Variants in SEC11C observed in about 807,000 individuals in gnomAD.
The protein encoded by SEC11C is SEC11 homolog C, signal peptidase complex subunit, also known as signal peptidase complex catalytic subunit SEC11C.
SEC11C carries 10 observed loss-of-function variants against 21.9 expected under a neutral mutation model. That is an observed-to-expected ratio of 0.46 (90% CI 0.28 to 0.77). The LOEUF (loss-of-function observed/expected upper bound fraction) is 0.77, where lower values mean the gene tolerates loss of function less well. SEC11C is among the 30% of genes least tolerant of loss of function. SEC11C has a pLI of 0.12. For synonymous variants in SEC11C, 83 were observed against 85.6 expected, an observed-to-expected ratio of 0.97 and a Z score of 0.17; for missense variants, 145 against 244.5, an observed-to-expected ratio of 0.59 and a Z score of 2.71.
intron 4 of SEC11C, 23 bp downstream of exon 4, chr18:59,155,830 T>C (rs1412351686): frequency 6.2e-7 from 1 of 1,608,992 alleles, no homozygotes; most frequent in Non-Finnish European, 8.5e-7. Flanking sequence ...CTTTAAGTTA[T>C]ATAGAAGGTT....
intron 3 of SEC11C, among the ~76,000 whole-genome samples, chr18:59,154,612 A>T (rs1031088957): frequency 1.3e-5 from 2 of 152,208 alleles, no homozygotes; most frequent in Non-Finnish European, 2.9e-5. Flanking sequence ...GTCAGTGGTG[A>T]AGGAAATAAT....
intron 2 of SEC11C, among the ~76,000 whole-genome samples, chr18:59,150,342 G>A (rs917588578): frequency 6.6e-6 from 1 of 152,208 alleles, no homozygotes; most frequent in Admixed American, 6.5e-5. Flanking sequence ...AGGAGTTGAG[G>A]CTAGAACACA....
At position 59,139,899 on chromosome 18, in the gene SEC11C, G is replaced by A. The variant is rs1478242882; in HGVS notation, c.-50G>A. 10 of 1,380,934 alleles carry A rather than the reference G, an allele frequency of 7.2e-6. No individual in the cohort carries two copies. Among genetic ancestry groups the A allele is most frequent in the South Asian group, 4.5e-5 (3 of 67,210 alleles). 85.5% of individuals were successfully genotyped at this position (1,380,934 alleles called of 1,614,324 possible). A position where few individuals can be genotyped will look rare whatever the true frequency, so the allele number is the denominator to read the frequency against. On this transcript the variant is annotated 5_prime_UTR_variant, in exon 1 of 6. Transcript: ENST00000587834. ...GGGGGCCGGCAGGTGCTCCGCAGCC[G>A]TCTGTGCCACCCAGAGCCGGCGGGC...
chr18:59,140,104 C>CGCT, intron 1 of SEC11C, 69 bp downstream of exon 1: 1 of 1,380,818 alleles, frequency 7.2e-7, no homozygotes, highest in Non-Finnish European at 9.7e-7. Context: ...CGGGGCTTCC[C>CGCT]AGTCAGGGCT....
At chr18:59,142,601 T>C (rs2069224710) in intron 1 of SEC11C, among the ~76,000 whole-genome samples, 1 of 152,232 alleles carries the variant, frequency 6.6e-6, no homozygotes, top group South Asian at 2.1e-4. Context: ...GATTTTACTT[T>C]AGAAGCAGTG....
Position 59,139,995 on chromosome 18 carries a change from T to A in SEC11C, c.47T>A (p.Leu16Ter). The A allele has an allele frequency of 6.3e-7, 1 of 1,595,766 alleles. No individual in the cohort carries two copies. Among genetic ancestry groups the A allele is most frequent in the Non-Finnish European group, 8.6e-7 (1 of 1,169,450 alleles). The change falls in exon 1 of 6, where the codon TTG becomes TAG. Residue 16 changes from leucine (L) to a stop codon, truncating the protein, a stop_gained. Coordinates refer to ENST00000587834, the MANE Select transcript of SEC11C (RefSeq NM_033280.4). LOFTEE classifies it high-confidence loss of function. ...AVGAHLPASG[L>*]DIFGDLKKMN... ...GGGGCTCATCTCCCCGCGTCCGGCT[T>A]GGATATCTTCGGGGACCTGAAGAAG...
chr18:59,153,721 T>C (rs1313875352), intron 3 of SEC11C, among the ~76,000 whole-genome samples: 2 of 151,692 alleles, frequency 1.3e-5, no homozygotes, highest in African/African-American at 4.8e-5. Flanking sequence ...TGGCTAATTT[T>C]TTTTTTTTTT....
intron 3 of SEC11C, among the ~76,000 whole-genome samples, chr18:59,153,596 G>A (rs971085306): frequency 8.5e-5 from 13 of 152,062 alleles, no homozygotes; most frequent in Admixed American, 7.2e-4. Flanking sequence ...TGTCACCTAC[G>A]CTGGAGTGCC....
intron 1 of SEC11C, among the ~76,000 whole-genome samples, chr18:59,144,726 TAAAAAAAA>T (rs5825314): frequency 1.0e-5 from 1 of 98,602 alleles, no homozygotes; most frequent in African/African-American, 4.1e-5. Flanking sequence ...CCTTGTATCT[TAAAAAAAA>T]AAAAAAAAAA....
chr18:59,155,829 A>T lies in SEC11C; in HGVS notation c.467+22A>T, dbSNP rs568570402. On this transcript the variant is annotated intron_variant, in intron 4 of 5. Transcript: ENST00000587834. ...GAGGGTGAGGATTCACCTTTAAGTT[A>T]TATAGAAGGTTATGAAAAACACTTA... 18 of 1,609,940 alleles carry T rather than the reference A, an allele frequency of 1.1e-5. No homozygotes were observed. In the African/African-American group the frequency reaches 2.1e-4, roughly 19 times the overall value.
At chr18:59,156,335 A>G (rs573714902) in intron 4 of SEC11C, 2 of 152,632 alleles carry the variant, frequency 1.3e-5, no homozygotes, top group East Asian at 3.8e-4. Context: ...GCTGGTACAG[A>G]TGTGTGTTAT....
At chr18:59,150,099 T>C (rs547995045) in intron 2 of SEC11C, among the ~76,000 whole-genome samples, 1 of 152,310 alleles carries the variant, frequency 6.6e-6, no homozygotes, top group Non-Finnish European at 1.5e-5. Context: ...CTTATAAAAG[T>C]ACAGCATGTT....
rs1276391483 is a variant in SEC11C, at chr18:59,152,671, C to A, written c.333C>A (p.Ile111=). ...GRDIPIVHRV[I]KVHEKDNGDI... is the part of the protein sequence containing the mutation. ...ACATTCCAATAGTTCACAGAGTAAT[C>A]AAAGTTCATGAAAAGTAAAGAGGCT... is the stretch of plus-strand genomic sequence containing the variant. Residue 111 remains isoleucine (I), a synonymous_variant, in exon 3 of 6, where the codon ATC becomes ATA. Transcript: ENST00000587834. 6.3e-7 allele frequency: 1 copy of A among 1,597,510 alleles called. No homozygotes were observed. Among genetic ancestry groups the A allele is most frequent in the Non-Finnish European group, 8.5e-7 (1 of 1,175,340 alleles).
intron 1 of SEC11C, chr18:59,147,881 A>C (rs983453524): frequency 1.3e-5 from 2 of 152,252 alleles, no homozygotes; most frequent in Non-Finnish European, 2.9e-5. Context: ...GTGACTGTGC[A>C]CACTGCATGC....
chr18:59,142,687 T>G (rs1387032592), intron 1 of SEC11C, among the ~76,000 whole-genome samples: 3 of 152,234 alleles, frequency 2.0e-5, no homozygotes. Flanking sequence ...ACGGCTCACT[T>G]CTTTGCATTC....
chr18:59,154,397 A>G (rs953297008), intron 3 of SEC11C, among the ~76,000 whole-genome samples: 1 of 152,162 alleles, frequency 6.6e-6, no homozygotes, highest in Non-Finnish European at 1.5e-5. Flanking sequence ...TCTCATTATA[A>G]TAGTGCATTC....
chr18:59,140,286 T>A (rs1369929490), intron 1 of SEC11C, among the ~76,000 whole-genome samples: 1 of 152,202 alleles, frequency 6.6e-6, no homozygotes. Context: ...TGCCATGGAA[T>A]GTCAAATGTG....
At position 59,149,771 on chromosome 18, in the gene SEC11C, A is replaced by G. The variant is rs140839374; in HGVS notation, c.197+149A>G. 2,608 of 464,138 alleles carry G rather than the reference A, an allele frequency of 5.6e-3. 22 individuals are homozygous for G. The highest frequency in any genetic ancestry group is 0.024 in the Middle Eastern group (42 of 1,766). The allele number at this position is 464,138 out of a possible 1,614,324, so 28.8% of individuals were successfully genotyped here. On this transcript the variant is annotated intron_variant, in intron 2 of 5. Transcript: ENST00000587834. ...AAATTATTAGTCTTTATTGATATCT[A>G]TTTTGAAAATGTTTCGTTTTTTTTC...
chr18:59,141,954 A>G (rs1292733434), intron 1 of SEC11C, among the ~76,000 whole-genome samples: 1 of 152,232 alleles, frequency 6.6e-6, no homozygotes, highest in Admixed American at 6.5e-5. Flanking sequence ...ATGACTGAGT[A>G]TGGACTTAGT....
Sources: gnomAD v4.1 joint callset for allele counts (sites outside exome capture counted in the v4.1 genomes callset) on GRCh38, gnomAD v4.1.1 for gene constraint, MANE v1.5 for transcripts, NCBI Gene and HGNC (gene_info 2026-07-23, HGNC 2026-07-21) for gene names.